The following OSBP2 variants were observed in gnomAD, a reference collection of about 807,000 sequenced individuals.
OSBP2 encodes oxysterol binding protein 2.
Under a neutral mutation model 96.0 loss-of-function variants are expected in OSBP2, and 66 were observed. The ratio of observed to expected loss-of-function variants is 0.69; its 90% CI spans 0.56 to 0.84. OSBP2 has a LOEUF of 0.84. Ranked by LOEUF, OSBP2 falls within the 40% of genes least tolerant of loss-of-function variation. The pLI is 0.00. For missense variants in OSBP2, 1,038 were observed against 1,222.7 expected, an observed-to-expected ratio of 0.85 and a Z score of 2.25; for synonymous variants, 525 against 520.9, an observed-to-expected ratio of 1.01 and a Z score of -0.11.
chr22:30,777,969 G>A (rs2090457546), intron 2 of OSBP2, among the ~76,000 whole-genome samples: 1 of 152,012 alleles, frequency 6.6e-6, no homozygotes, highest in Admixed American at 6.6e-5. Flanking sequence ...TATTAAAAAT[G>A]TTATAGTGAC....
rs1341165965 is a variant in OSBP2, at chr22:30,889,547, C to T, written c.1534C>T (p.Arg512Cys). 14 of 1,613,930 alleles carry T rather than the reference C, an allele frequency of 8.7e-6. No homozygotes were observed. Among genetic ancestry groups the T allele is most frequent in the South Asian group, 7.7e-5 (7 of 91,070 alleles). ...KGSSKVKRRV[R>C]IPNKPNYSLN... is the part of the protein sequence containing the mutation. ...TTCATCCAAAGTCAAGAGGCGAGTC[C>T]GCATTCCCAACAAGCCCAACTACAG... is the stretch of plus-strand genomic sequence containing the variant. Residue 512 changes from arginine to cysteine, a missense_variant, in exon 7 of 14, where the codon CGC (arginine) becomes TGC (cysteine). Arg to Cys is a radical substitution (Grantham distance 180, BLOSUM62 -3). This residue lies in a region of OSBP2 where 737 missense variants were observed against 913.3 expected (regional missense o/e 0.81). Coordinates refer to ENST00000332585, the MANE Select transcript of OSBP2 (RefSeq NM_030758.4).
chr22:30,852,671 C>T (rs1416195344), intron 2 of OSBP2, among the ~76,000 whole-genome samples: 3 of 152,024 alleles, frequency 2.0e-5, no homozygotes, highest in East Asian at 1.9e-4. Context: ...ATTCTACTCA[C>T]TTTGAATATA....
intron 2 of OSBP2, among the ~76,000 whole-genome samples, chr22:30,766,965 A>G (rs997001229): frequency 2.0e-5 from 3 of 152,002 alleles, no homozygotes; most frequent in Non-Finnish European, 2.9e-5. Flanking sequence ...CACCTTGGAT[A>G]TAGTTGCTGC....
intron 1 of OSBP2, among the ~76,000 whole-genome samples, chr22:30,725,493 A>G (rs746614102): frequency 4.6e-5 from 7 of 151,804 alleles, no homozygotes; most frequent in Non-Finnish European, 1.0e-4. Flanking sequence ...CCTGGGAGAC[A>G]GAGTGAGACT....
In OSBP2 at chr22:30,889,508, C is replaced by A. The variant is rs778150740; in HGVS notation, c.1495C>A (p.Leu499Ile). The change falls in exon 7 of 14, where the codon CTC becomes ATC. Residue 499 changes from leucine (L) to isoleucine (I), a missense_variant. By Grantham distance (5) the Leu-to-Ile change is conservative. Around this residue, in one of 3 missense-constraint regions of OSBP2, gnomAD observed 737 missense variants for 913.3 expected, o/e 0.81. Coordinates refer to ENST00000332585, the MANE Select transcript of OSBP2 (RefSeq NM_030758.4). The part of the protein sequence containing the change: ...SADNVLDGAS[L>I]VPKGSSKVKR... ...GTGGCAGGTACTAGATGGTGCCTCGCTCGTGCCCAAGGGTTCATCCAAAGT... is the reference window on the plus strand; with the variant it reads ...GTGGCAGGTACTAGATGGTGCCTCGATCGTGCCCAAGGGTTCATCCAAAGT... 1.6e-4 allele frequency: 266 copies of A among 1,613,986 alleles called. 2 individuals are homozygous for A. In the Admixed American group the frequency reaches 4.3e-3, roughly 26 times the overall value.
chr22:30,778,331 A>ACACACC (rs957647622), intron 2 of OSBP2, among the ~76,000 whole-genome samples: 3 of 151,146 alleles, frequency 2.0e-5, no homozygotes, highest in African/African-American at 7.3e-5. Flanking sequence ...ACACACACAC[A>ACACACC]CACCCACTGA....
intron 2 of OSBP2, among the ~76,000 whole-genome samples, chr22:30,865,197 G>A (rs2039308107): frequency 1.3e-5 from 2 of 152,188 alleles, no homozygotes; most frequent in African/African-American, 4.8e-5. Flanking sequence ...CTGAGGGGGT[G>A]CCCTGTGGCC....
intron 2 of OSBP2, among the ~76,000 whole-genome samples, chr22:30,748,699 C>T (rs539552154): frequency 2.6e-5 from 4 of 152,220 alleles, no homozygotes; most frequent in South Asian, 2.1e-4. Flanking sequence ...TTGAATCTGT[C>T]GCAGGAAAGA....
At chr22:30,860,188 C>T (rs1455190770) in intron 2 of OSBP2, among the ~76,000 whole-genome samples, 2 of 152,128 alleles carry the variant, frequency 1.3e-5, no homozygotes, top group African/African-American at 4.8e-5. Context: ...ATCCTTCCTA[C>T]CCCCAAGTTA....
upstream of OSBP2, chr22:30,693,997 AT>A: frequency 6.9e-7 from 1 of 1,444,682 alleles, no homozygotes; most frequent in Admixed American, 2.5e-5. Context: ...GGAAAAAAAA[AT>A]TCGCTGATGT....
Position 30,893,165 on chromosome 22 carries a change from A to AG in OSBP2, c.1914dup (p.His639AlafsTer70). 6.2e-7 allele frequency: 1 copy of AG among 1,614,036 alleles called. No homozygotes were observed. Among genetic ancestry groups the AG allele is most frequent in the Non-Finnish European group, 8.5e-7 (1 of 1,179,904 alleles). On this transcript the variant is annotated frameshift_variant, in exon 9 of 14. Coordinates refer to ENST00000332585, the MANE Select transcript of OSBP2 (RefSeq NM_030758.4). LOFTEE classifies it high-confidence loss of function. ...TCAGCTGCGCACTACGTGTTCTCCA[A>AG]GCATGGCTGGAGCCTCTGGCAGGAG... is the stretch of plus-strand genomic sequence containing the variant.
intron 2 of OSBP2, among the ~76,000 whole-genome samples, chr22:30,806,762 AG>A (rs748002272): frequency 6.6e-6 from 1 of 151,448 alleles, no homozygotes. Flanking sequence ...TGGACCCTAG[AG>A]ATACCACTGA....
intron 2 of OSBP2, chr22:30,822,833 G>A (rs1368025168): frequency 2.6e-6 from 2 of 771,748 alleles, no homozygotes; most frequent in Non-Finnish European, 3.7e-6. Flanking sequence ...CGCGGCGTGG[G>A]GAGCGCGGGG....
intron 1 of OSBP2, among the ~76,000 whole-genome samples, chr22:30,723,091 A>G (rs2089580705): frequency 6.6e-6 from 1 of 151,768 alleles, no homozygotes; most frequent in African/African-American, 2.4e-5. Flanking sequence ...ACCTGCCTCA[A>G]ATAACTTTCA....
chr22:30,802,677 C>T (rs2090867841), intron 2 of OSBP2, among the ~76,000 whole-genome samples: 2 of 152,252 alleles, frequency 1.3e-5, no homozygotes, highest in African/African-American at 4.8e-5. Flanking sequence ...AAGGCTAATC[C>T]CAGCCTGGGA....
chr22:30,811,166 C>CG (rs1369910469), intron 2 of OSBP2, among the ~76,000 whole-genome samples: 1 of 41,422 alleles, frequency 2.4e-5, no homozygotes, highest in South Asian at 6.1e-4. Context: ...TATACACAAC[C>CG]CCCCCCCCAC....
chr22:30,755,155 C>T (rs2090125412), intron 2 of OSBP2, among the ~76,000 whole-genome samples: 1 of 152,180 alleles, frequency 6.6e-6, no homozygotes, highest in Non-Finnish European at 1.5e-5. Flanking sequence ...ATCTATAGAT[C>T]TATAGCTGTG....
chr22:30,732,837 G>T (rs763533872), intron 1 of OSBP2, among the ~76,000 whole-genome samples: 1 of 152,168 alleles, frequency 6.6e-6, no homozygotes, highest in Non-Finnish European at 1.5e-5. Context: ...CCATTGTTTT[G>T]TCAGGCTCGC....
At chr22:30,898,928 T>C (rs1231149441) in intron 12 of OSBP2, among the ~76,000 whole-genome samples, 1 of 151,200 alleles carries the variant, frequency 6.6e-6, no homozygotes, top group Non-Finnish European at 1.5e-5. Flanking sequence ...CAAAAGTTGA[T>C]TCTTTGAGGC....
Sources: allele counts gnomAD v4.1 joint callset (sites outside exome capture counted in the v4.1 genomes callset), GRCh38; gene constraint gnomAD v4.1.1; regional missense constraint gnomAD v4.1.1; transcripts MANE v1.5; gene names NCBI Gene and HGNC (gene_info 2026-07-23, HGNC 2026-07-21).